Variants in HRH4 observed in about 807,000 individuals in gnomAD.
HRH4 encodes histamine receptor H4.
Under a neutral mutation model 10.4 loss-of-function variants are expected in HRH4, and 12 were observed. The observed-to-expected ratio is 1.15, with a 90% CI of 0.74 to 1.87. HRH4 has a LOEUF of 1.87. Ranked by LOEUF, HRH4 falls within the 40% of genes most tolerant of loss-of-function variation. The pLI is 0.00. For missense variants in HRH4, 415 were observed against 453.3 expected (o/e 0.92, Z 0.77); for synonymous variants, 154 against 166.6 (o/e 0.92, Z 0.58).
intron 2 of HRH4, among the ~76,000 whole-genome samples, chr18:24,476,279 T>C (rs867408359): frequency 2.0e-5 from 3 of 152,184 alleles, no homozygotes; most frequent in Non-Finnish European, 4.4e-5. Context: ...CCCAAAGACA[T>C]ATTGCTTTAT....
chr18:24,479,126 C>T lies in HRH4; in HGVS notation c.*1564C>T, dbSNP rs940463938. ...AGAGATGAGGTTTTGCCATTTTGGT[C>T]AGGCTGGAATTTTTTTTTTTTTAAT... is the stretch of plus-strand genomic sequence containing the variant. On this transcript the variant is annotated 3_prime_UTR_variant, in exon 3 of 3. Transcript: ENST00000256906. 4 of 151,690 alleles carry T rather than the reference C, an allele frequency of 2.6e-5. No individual in the cohort carries two copies. Among genetic ancestry groups the T allele is most frequent in the African/African-American group, 9.7e-5 (4 of 41,240 alleles). The allele number at this position is 151,690 out of a possible 1,614,324, so 9.4% of individuals were successfully genotyped here. A position where few individuals can be genotyped will look rare whatever the true frequency, so the allele number is the denominator to read the frequency against.
At chr18:24,468,514 C>T (rs925234878) in intron 1 of HRH4, among the ~76,000 whole-genome samples, 1 of 152,186 alleles carries the variant, frequency 6.6e-6, no homozygotes, top group African/African-American at 2.4e-5. Context: ...CAAATATTTT[C>T]TATCTGTGGT....
In HRH4 at chr18:24,476,774, G is replaced by C; in HGVS notation, c.385G>C (p.Val129Leu). Reference sequence around the variant, plus strand: ...GTCTTATAGAACTCAACATACTGGGGTCTTGAAGATTGTTACTCTGATGGT... The same window carrying C: ...GTCTTATAGAACTCAACATACTGGGCTCTTGAAGATTGTTACTCTGATGGT... Reference protein sequence around the residue: ...AVSYRTQHTGVLKIVTLMVAV... With the variant: ...AVSYRTQHTGLLKIVTLMVAV... Residue 129 changes from valine (V) to leucine (L), a missense_variant, in exon 3 of 3, where the codon GTC becomes CTC. Physicochemically the swap from Val to Leu is conservative, Grantham distance 32 (BLOSUM62 1). Transcript: ENST00000256906. 6.2e-7 allele frequency: 1 copy of C among 1,614,084 alleles called. No individual in the cohort carries two copies. Among genetic ancestry groups the C allele is most frequent in the East Asian group, 2.2e-5 (1 of 44,878 alleles).
chr18:24,477,438 A>T lies in HRH4; in HGVS notation c.1049A>T (p.Asn350Ile), dbSNP rs1338658780. Residue 350 changes from asparagine (N) to isoleucine (I), a missense_variant, in exon 3 of 3, where the codon AAT becomes ATT. Physicochemically the swap from Asn to Ile is moderately radical, Grantham distance 149. Coordinates refer to ENST00000256906, the MANE Select transcript of HRH4 (RefSeq NM_021624.4). ...YRIAFWLQWF[N>I]SFVNPLLYPL... ...ATTGCATTTTGGCTTCAGTGGTTCA[A>T]TTCCTTTGTCAATCCTCTTTTGTAT... 3.7e-6 allele frequency: 6 copies of T among 1,614,054 alleles called. No homozygotes were observed. Among genetic ancestry groups the T allele is most frequent in the Non-Finnish European group, 5.1e-6 (6 of 1,180,022 alleles).
intron 1 of HRH4, among the ~76,000 whole-genome samples, chr18:24,467,411 C>A (rs1909805380): frequency 6.6e-6 from 1 of 152,028 alleles, no homozygotes; most frequent in African/African-American, 2.4e-5. Flanking sequence ...GAAAGATGAG[C>A]AAAGAACCAG....
In HRH4 at chr18:24,478,171, G is replaced by C. The variant is rs1274726793; in HGVS notation, c.*609G>C. On this transcript the variant is annotated 3_prime_UTR_variant, in exon 3 of 3. Coordinates refer to ENST00000256906, the MANE Select transcript of HRH4 (RefSeq NM_021624.4). ...TCAGTGAAGTTATTTTGGAGGCCCT[G>C]GTGGTCACAGGATCAGAAGGCAAGG... 2 of 152,284 alleles carry C rather than the reference G, an allele frequency of 1.3e-5. No individual in the cohort carries two copies. The highest frequency in any genetic ancestry group is 4.8e-5 in the African/African-American group (2 of 41,454). The allele number at this position is 152,284 out of a possible 1,614,324, so 9.4% of individuals were successfully genotyped here. A position where few individuals can be genotyped will look rare whatever the true frequency, so the allele number is the denominator to read the frequency against.
intron 1 of HRH4, among the ~76,000 whole-genome samples, chr18:24,462,504 A>G (rs1052801826): frequency 2.0e-5 from 3 of 152,172 alleles, no homozygotes; most frequent in African/African-American, 7.2e-5. Context: ...TTGGAAAGGA[A>G]GGCCAACAGG....
chr18:24,462,261 G>T (rs1285262241), intron 1 of HRH4, among the ~76,000 whole-genome samples: 1 of 152,198 alleles, frequency 6.6e-6, no homozygotes, highest in East Asian at 1.9e-4. Context: ...AATCTATAAA[G>T]TGAGGGCCTT....
At position 24,462,247 on chromosome 18, in the gene HRH4, A is replaced by T. The variant is rs532527226; in HGVS notation, c.193+1326A>T. On this transcript the variant is annotated intron_variant, in intron 1 of 2. Coordinates refer to ENST00000256906, the MANE Select transcript of HRH4 (RefSeq NM_021624.4). ...GTGCAGGGGAGCCGTAGAGATGAAG[A>T]TGAAATCTATAAAGTGAGGGCCTTT... Among the ~76,000 whole-genome samples, 3 of 152,316 alleles carry T rather than the reference A, an allele frequency of 2.0e-5. No individual in the cohort carries two copies. The South Asian group carries it at 6.2e-4, about 32-fold the overall frequency.
intron 2 of HRH4, 112 bp from the exon 3 acceptor site, chr18:24,476,635 T>C: frequency 1.3e-6 from 1 of 769,648 alleles, no homozygotes; most frequent in East Asian, 2.6e-5. Flanking sequence ...ATACCCAGGT[T>C]AGTTAATGTC....
At chr18:24,470,132 G>C (rs1909894788) in intron 2 of HRH4, among the ~76,000 whole-genome samples, 1 of 152,160 alleles carries the variant, frequency 6.6e-6, no homozygotes, top group Non-Finnish European at 1.5e-5. Flanking sequence ...AGGTGTATTA[G>C]ATCAGGCATA....
rs60730879 is a variant in HRH4, at chr18:24,471,606, C to CAAAAAAAAAAAAA, written c.357+2670_357+2682dup. Among the ~76,000 whole-genome samples, 52 of 51,394 alleles carry CAAAAAAAAAAAAA rather than the reference C, an allele frequency of 1.0e-3. 1 individual carries two copies. The highest frequency in any genetic ancestry group is 1.2e-3 in the African/African-American group (13 of 10,884). The allele number at this position is 51,394 out of a possible 152,430, so 33.7% of individuals were successfully genotyped here. ...TGGGTGTCGCAGCAAGACTCCATCTCAAAAAAAAAAAAAAAAAAAAAAAAA... is the reference window on the plus strand; with the variant it reads ...TGGGTGTCGCAGCAAGACTCCATCTCAAAAAAAAAAAAAAAAAAAAAAAAAAAAAAAAAAAAAA... On this transcript the variant is annotated intron_variant, in intron 2 of 2. Transcript: ENST00000256906.
rs775925779 is a variant in HRH4 at position 24,460,743 on chromosome 18, T to C, written c.15T>C (p.Asn5=). 6.6e-6 allele frequency: 10 copies of C among 1,525,712 alleles called. No individual in the cohort carries two copies. The South Asian group carries it at 6.6e-5, about 10-fold the overall frequency. 94.5% of individuals were successfully genotyped at this position (1,525,712 alleles called of 1,614,324 possible). A position where few individuals can be genotyped will look rare whatever the true frequency, so the allele number is the denominator to read the frequency against. The change falls in exon 1 of 3, where the codon AAT becomes AAC. Residue 5 remains asparagine (N), a synonymous_variant. Transcript: ENST00000256906. The part of the protein sequence containing the change: MPDT[N]STINLSLSTR... ...CATTTGATGTGATGCCAGATACTAA[T>C]AGCACAATCAATTTATCACTAAGCA...
At chr18:24,472,378 G>A (rs1367902976) in intron 2 of HRH4, among the ~76,000 whole-genome samples, 1 of 152,010 alleles carries the variant, frequency 6.6e-6, no homozygotes, top group Non-Finnish European at 1.5e-5. Flanking sequence ...GTCTTGCCTC[G>A]AGTAATTCCC....
At chr18:24,461,728 C>G (rs1226678811) in intron 1 of HRH4, among the ~76,000 whole-genome samples, 1 of 151,152 alleles carries the variant, frequency 6.6e-6, no homozygotes, top group Admixed American at 6.6e-5. Context: ...AGTTCATTCC[C>G]TGGAATACAG....
At chr18:24,462,579 G>C (rs905032758) in intron 1 of HRH4, among the ~76,000 whole-genome samples, 3 of 152,178 alleles carry the variant, frequency 2.0e-5, no homozygotes, top group African/African-American at 7.2e-5. Context: ...GGGCTTCTGA[G>C]ACTAAGAACG....
At chr18:24,469,938 C>G (rs937423132) in intron 2 of HRH4, among the ~76,000 whole-genome samples, 2 of 152,034 alleles carry the variant, frequency 1.3e-5, no homozygotes, top group African/African-American at 4.8e-5. Context: ...AGGTAGGCCC[C>G]GGTATCTATT....
chr18:24,463,725 G>T (rs994845791), intron 1 of HRH4, among the ~76,000 whole-genome samples: 1 of 152,178 alleles, frequency 6.6e-6, no homozygotes, highest in African/African-American at 2.4e-5. Context: ...CCTCTGCGGA[G>T]AATCTAAATT....
At chr18:24,475,663 T>C (rs1464155221) in intron 2 of HRH4, among the ~76,000 whole-genome samples, 2 of 152,058 alleles carry the variant, frequency 1.3e-5, no homozygotes, top group Non-Finnish European at 2.9e-5. Context: ...CACCAAGAAG[T>C]GACTTGGTAA....
Sources: allele counts gnomAD v4.1 joint callset (sites outside exome capture counted in the v4.1 genomes callset), GRCh38; gene constraint gnomAD v4.1.1; transcripts MANE v1.5; gene names NCBI Gene and HGNC (gene_info 2026-07-23, HGNC 2026-07-21).